Variants in BRINP1 observed in about 807,000 individuals in gnomAD.
The protein encoded by BRINP1 is BMP/retinoic acid inducible neural specific 1, also known as BMP/retinoic acid-inducible neural-specific protein 1.
BRINP1 carries 17 observed loss-of-function variants against 72.9 expected under a neutral mutation model. The observed-to-expected ratio is 0.23, with a 90% CI of 0.16 to 0.35. The LOEUF (loss-of-function observed/expected upper bound fraction) is 0.35. BRINP1 is among the 10% of genes least tolerant of loss of function. BRINP1 has a pLI of 1.00. For missense variants in BRINP1, 850 were observed against 1,001.6 expected, an observed-to-expected ratio of 0.85 and a Z score of 2.04; for synonymous variants, 418 against 378.5, an observed-to-expected ratio of 1.10 and a Z score of -1.21.
intron 5 of BRINP1, among the ~76,000 whole-genome samples, chr9:119,234,514 G>A (rs1048898856): frequency 6.6e-6 from 1 of 151,820 alleles, no homozygotes; most frequent in Non-Finnish European, 1.5e-5. Context: ...TGTATATTCT[G>A]TATTCTATAA....
intron 7 of BRINP1, among the ~76,000 whole-genome samples, chr9:119,191,494 A>G (rs1829683925): frequency 6.6e-6 from 1 of 151,872 alleles, no homozygotes; most frequent in Non-Finnish European, 1.5e-5. Context: ...CAAATAACTT[A>G]GTTGAAAAAG....
intron 4 of BRINP1, among the ~76,000 whole-genome samples, chr9:119,241,259 C>A (rs1364164811): frequency 1.3e-5 from 2 of 152,176 alleles, no homozygotes; most frequent in South Asian, 4.1e-4. Context: ...GATACAGGGC[C>A]TTTCCACCAT....
intron 2 of BRINP1, among the ~76,000 whole-genome samples, chr9:119,268,293 T>TAGAC (rs1564233792): frequency 2.2e-5 from 3 of 138,210 alleles, no homozygotes; most frequent in South Asian, 4.9e-4. Flanking sequence ...GATAGATAGA[T>TAGAC]AGATAGATAA....
chr9:119,322,549 T>C (rs545032547), intron 1 of BRINP1, among the ~76,000 whole-genome samples: 43 of 152,294 alleles, frequency 2.8e-4, no homozygotes, highest in African/African-American at 1.0e-3. Context: ...CTCTGGAGCT[T>C]TCTGCATGGA....
chr9:119,299,114 C>CATT (rs533109867), intron 2 of BRINP1, among the ~76,000 whole-genome samples: 2 of 151,826 alleles, frequency 1.3e-5, no homozygotes, highest in Admixed American at 6.6e-5. Flanking sequence ...GTGTACAATC[C>CATT]ATTATTATTA....
intron 2 of BRINP1, among the ~76,000 whole-genome samples, chr9:119,256,683 AT>A (rs1159598868): frequency 3.9e-5 from 6 of 152,184 alleles, no homozygotes; most frequent in African/African-American, 1.2e-4. Flanking sequence ...AAAAGGTTCT[AT>A]TTTAGTTTCC....
intron 7 of BRINP1, among the ~76,000 whole-genome samples, chr9:119,188,700 TGAAC>T (rs1829652218): frequency 6.6e-6 from 1 of 152,152 alleles, no homozygotes; most frequent in East Asian, 1.9e-4. Flanking sequence ...GAGGATCACT[TGAAC>T]CCAGGAGTTT....
At chr9:119,339,456 C>T (rs1303677411) in intron 1 of BRINP1, among the ~76,000 whole-genome samples, 1 of 152,224 alleles carries the variant, frequency 6.6e-6, no homozygotes, top group Non-Finnish European at 1.5e-5. Context: ...CAGGTCAAAA[C>T]TTTTATCTGT....
At chr9:119,285,089 C>T (rs1830745943) in intron 2 of BRINP1, among the ~76,000 whole-genome samples, 1 of 151,892 alleles carries the variant, frequency 6.6e-6, no homozygotes, top group South Asian at 2.1e-4. Flanking sequence ...TTGCCTGCCA[C>T]TGAGAAATGC....
chr9:119,222,282 C>T (rs1830048392), intron 5 of BRINP1, among the ~76,000 whole-genome samples: 1 of 152,028 alleles, frequency 6.6e-6, no homozygotes, highest in Non-Finnish European at 1.5e-5. Context: ...CACAGCATAA[C>T]CTAGCTTATA....
intron 1 of BRINP1, among the ~76,000 whole-genome samples, chr9:119,352,080 G>T (rs1235858719): frequency 6.6e-6 from 1 of 152,058 alleles, no homozygotes; most frequent in Non-Finnish European, 1.5e-5. Flanking sequence ...TTACAGGTGT[G>T]AGCCACCACA....
intron 1 of BRINP1, among the ~76,000 whole-genome samples, chr9:119,317,033 G>A (rs553266905): frequency 3.2e-4 from 48 of 151,734 alleles, no homozygotes; most frequent in Non-Finnish European, 5.6e-4. Flanking sequence ...GGAGGTCGCC[G>A]GGAACCAAGA....
At chr9:119,278,331 T>C (rs564453971) in intron 2 of BRINP1, among the ~76,000 whole-genome samples, 43 of 152,320 alleles carry the variant, frequency 2.8e-4, no homozygotes, top group African/African-American at 1.0e-3. Context: ...TTAATCTTTC[T>C]GAGCAGTGAA....
chr9:119,265,462 G>T, intron 2 of BRINP1, among the ~76,000 whole-genome samples: 1 of 152,010 alleles, frequency 6.6e-6, no homozygotes, highest in East Asian at 1.9e-4. Flanking sequence ...AAAATTAGCT[G>T]GGTGTGGTGT....
intron 7 of BRINP1, among the ~76,000 whole-genome samples, chr9:119,181,156 C>T (rs2118838459): frequency 6.6e-6 from 1 of 152,284 alleles, no homozygotes; most frequent in African/African-American, 2.4e-5. Flanking sequence ...AGGCTAAAAA[C>T]AGCAGGACAC....
At chr9:119,303,191 C>A in intron 2 of BRINP1, among the ~76,000 whole-genome samples, 1 of 151,902 alleles carries the variant, frequency 6.6e-6, no homozygotes, top group East Asian at 1.9e-4. Flanking sequence ...AAGTGCTCAG[C>A]GACGGAAGCT....
intron 7 of BRINP1, 116 bp downstream of exon 7, chr9:119,208,603 G>A (rs965167522): frequency 2.0e-6 from 2 of 1,009,672 alleles, no homozygotes; most frequent in African/African-American, 3.2e-5. Flanking sequence ...GACCATGCGA[G>A]GTCCTGTTTG....
intron 2 of BRINP1, among the ~76,000 whole-genome samples, chr9:119,296,303 T>C (rs1228219457): frequency 6.6e-6 from 1 of 152,172 alleles, no homozygotes; most frequent in Non-Finnish European, 1.5e-5. Context: ...TCAATATCAC[T>C]AATCATCAGG....
At chr9:119,263,601 C>CATTTTTTT (rs770303192) in intron 2 of BRINP1, among the ~76,000 whole-genome samples, 1 of 78,560 alleles carries the variant, frequency 1.3e-5, no homozygotes, top group Non-Finnish European at 2.2e-5. Context: ...GTAAACAATT[C>CATTTTTTT]TTTTTTTTTT....
Sources: gnomAD v4.1 joint callset for allele counts (sites outside exome capture counted in the v4.1 genomes callset) on GRCh38, gnomAD v4.1.1 for gene constraint, MANE v1.5 for transcripts, NCBI Gene and HGNC (gene_info 2026-07-23, HGNC 2026-07-21) for gene names.